The following DCAF10 variants were observed in gnomAD, a reference collection of about 807,000 sequenced individuals.
DCAF10 encodes DDB1 and CUL4 associated factor 10, also known as DDB1- and CUL4-associated factor 10.
DCAF10 carries 19 observed loss-of-function variants against 51.9 expected under a neutral mutation model. The ratio of observed to expected loss-of-function variants is 0.37; its 90% confidence interval spans 0.26 to 0.54. DCAF10 has a LOEUF of 0.54. Among genes scored for constraint, DCAF10 ranks in the 20% least tolerant of loss-of-function variants. The pLI is 0.87. For synonymous variants in DCAF10, 291 were observed against 297.1 expected (o/e 0.98, Z 0.21); for missense variants, 510 against 730.6 (o/e 0.70, Z 3.48).
chr9:37,827,187 A>T (rs531121593), intron 2 of DCAF10, among the ~76,000 whole-genome samples: 2 of 152,278 alleles, frequency 1.3e-5, no homozygotes, highest in South Asian at 4.1e-4. Flanking sequence ...ATCAGAACAA[A>T]ATCCTTGCGT....
intron 1 of DCAF10, among the ~76,000 whole-genome samples, chr9:37,815,523 C>T (rs1047151224): frequency 2.0e-5 from 3 of 152,086 alleles, no homozygotes; most frequent in African/African-American, 7.2e-5. Context: ...CACACGCCTG[C>T]AGTCCCAGCT....
intron 1 of DCAF10, among the ~76,000 whole-genome samples, chr9:37,807,621 T>C (rs149430628): frequency 2.8e-3 from 429 of 151,676 alleles, no homozygotes; most frequent in African/African-American, 9.2e-3. Context: ...ATTTTATTTA[T>C]GTTAATTTAT....
At chr9:37,830,588 T>C (rs1361648989) in intron 2 of DCAF10, among the ~76,000 whole-genome samples, 1 of 152,188 alleles carries the variant, frequency 6.6e-6, no homozygotes, top group African/African-American at 2.4e-5. Flanking sequence ...TCAACTGTGT[T>C]TGTAATGTTC....
rs1829943564 is a variant in DCAF10 at position 37,829,359 on chromosome 9, G to GA, written c.653+9960dup. Among the ~76,000 whole-genome samples the GA allele has an allele frequency of 6.6e-6, 1 of 152,164 alleles. No homozygotes were observed. Among genetic ancestry groups the GA allele is most frequent in the Non-Finnish European group, 1.5e-5 (1 of 68,038 alleles). ...GGAGGCTGAGACAGGAGAATCACTT[G>GA]AACCCGGGAGGCGGAGGTTGCGGTG... is the stretch of plus-strand genomic sequence containing the variant. On this transcript the variant is annotated intron_variant, in intron 2 of 6. Coordinates refer to ENST00000377724, the MANE Select transcript of DCAF10 (RefSeq NM_024345.5). This position sits in a 1 kb window ranked among gnomAD's most constrained non-coding sequence, Gnocchi z 4.2.
chr9:37,810,878 C>G (rs1267758290), intron 1 of DCAF10, among the ~76,000 whole-genome samples: 5 of 152,028 alleles, frequency 3.3e-5, no homozygotes, highest in Non-Finnish European at 7.4e-5. Context: ...CCCAGTATAC[C>G]CTAGGACTAA....
intron 3 of DCAF10, among the ~76,000 whole-genome samples, chr9:37,846,441 T>C (rs1022228108): frequency 2.0e-5 from 3 of 152,148 alleles, no homozygotes; most frequent in South Asian, 2.1e-4. Flanking sequence ...ATTACTGAAA[T>C]TGACTTAAGA....
At chr9:37,852,490 C>T (rs1022342725) in intron 3 of DCAF10, among the ~76,000 whole-genome samples, 5 of 152,000 alleles carry the variant, frequency 3.3e-5, no homozygotes, top group African/African-American at 7.3e-5. Flanking sequence ...TCCAGCTACT[C>T]GGAAGGCTGA....
intron 1 of DCAF10, among the ~76,000 whole-genome samples, chr9:37,808,029 C>T (rs1354065155): frequency 6.6e-6 from 1 of 152,100 alleles, no homozygotes; most frequent in Admixed American, 6.6e-5. Flanking sequence ...TTATATTTTT[C>T]AAACACACAA....
intron 2 of DCAF10, 112 bp from the exon 3 acceptor site, chr9:37,841,977 A>T: frequency 1.1e-6 from 1 of 908,492 alleles, no homozygotes; most frequent in Non-Finnish European, 1.6e-6. Flanking sequence ...GTGAGTGTGT[A>T]GTCCTTTTTT....
At chr9:37,838,896 G>A (rs1269430236) in intron 2 of DCAF10, among the ~76,000 whole-genome samples, 1 of 151,562 alleles carries the variant, frequency 6.6e-6, no homozygotes, top group Non-Finnish European at 1.5e-5. Flanking sequence ...AAAGAAAAAA[G>A]GTTTCAGTTC....
At chr9:37,824,554 TAA>T (rs376501048) in intron 2 of DCAF10, among the ~76,000 whole-genome samples, 2 of 140,078 alleles carry the variant, frequency 1.4e-5, no homozygotes, top group Non-Finnish European at 3.1e-5. Context: ...TTTAAAAAAG[TAA>T]AAAAAAAAAA....
chr9:37,856,328 TAC>T (rs1830847262), intron 4 of DCAF10, among the ~76,000 whole-genome samples: 1 of 152,250 alleles, frequency 6.6e-6, no homozygotes, highest in African/African-American at 2.4e-5. Context: ...TTCATAAATA[TAC>T]GAGTATAATC....
rs1831045224 is a variant in DCAF10, at chr9:37,862,522, C to G, written c.*1014C>G. On this transcript the variant is annotated 3_prime_UTR_variant, in exon 7 of 7. Transcript: ENST00000377724. ...TTTTTCTTCCCTGAGCCAGGTGTGA[C>G]AAGCCAACTCTGTCACCATTCGTGA... 2 of 152,172 alleles carry G rather than the reference C, an allele frequency of 1.3e-5. No individual in the cohort carries two copies. The highest frequency in any genetic ancestry group is 1.3e-4 in the Admixed American group (2 of 15,272). 9.4% of individuals were successfully genotyped at this position (152,172 alleles called of 1,614,324 possible).
chr9:37,856,331 G>A (rs572531966), intron 4 of DCAF10, among the ~76,000 whole-genome samples: 32 of 152,246 alleles, frequency 2.1e-4, no homozygotes, highest in Middle Eastern at 3.4e-3. Context: ...ATAAATATAC[G>A]AGTATAATCC....
chr9:37,806,942 T>C (rs1829131998), intron 1 of DCAF10, among the ~76,000 whole-genome samples: 2 of 152,218 alleles, frequency 1.3e-5, no homozygotes, highest in Admixed American at 1.3e-4. Flanking sequence ...TGGTGTATGC[T>C]GTTAACTGCT....
chr9:37,801,355 C>A lies in DCAF10; in HGVS notation c.489C>A (p.Leu163=). 1 of 1,565,168 alleles carries A rather than the reference C, an allele frequency of 6.4e-7. No homozygotes were observed. The highest frequency in any genetic ancestry group is 8.6e-7 in the Non-Finnish European group (1 of 1,158,680). ...GSIHPADSVY[L]STRTHGAVFN... ...TCCACCCCGCGGACTCGGTGTACCT[C>A]AGCACCCGCACCCACGGCGCCGTCT... Residue 163 remains leucine, a synonymous_variant, in exon 1 of 7, where the codon CTC becomes CTA. Transcript: ENST00000377724. The surrounding 1 kb of genome is among the most constrained non-coding windows in gnomAD (Gnocchi z 5.5).
At chr9:37,855,417 C>T (rs1830817570) in intron 4 of DCAF10, among the ~76,000 whole-genome samples, 1 of 152,222 alleles carries the variant, frequency 6.6e-6, no homozygotes, top group Admixed American at 6.5e-5. Flanking sequence ...TGTCCAGACA[C>T]AGGTAGCTGG....
chr9:37,800,572 G>A (rs933441489), upstream of DCAF10: 2 of 1,535,906 alleles, frequency 1.3e-6, no homozygotes, highest in South Asian at 1.2e-5. Context: ...CCAGGCACGC[G>A]GCCACCGGTC....
At chr9:37,834,141 T>C (rs1243884398) in intron 2 of DCAF10, among the ~76,000 whole-genome samples, 3 of 152,204 alleles carry the variant, frequency 2.0e-5, no homozygotes, top group African/African-American at 7.2e-5. Context: ...GGTTACATCA[T>C]GTTGCCCAGG....
Sources: allele counts gnomAD v4.1 joint callset (sites outside exome capture counted in the v4.1 genomes callset), GRCh38; gene constraint gnomAD v4.1.1; non-coding constraint Gnocchi (gnomAD v3.1); transcripts MANE v1.5; gene names NCBI Gene and HGNC (gene_info 2026-07-23, HGNC 2026-07-21).